The following MYO7B variants were observed in gnomAD, a reference collection of about 807,000 sequenced individuals.
MYO7B encodes unconventional myosin-VIIb.
A neutral mutation model predicts 259.7 loss-of-function variants in MYO7B; 212 were observed. That is an observed-to-expected ratio of 0.82 (90% confidence interval 0.73 to 0.91). The LOEUF (loss-of-function observed/expected upper bound fraction) is 0.91. Among genes scored for constraint, MYO7B ranks in the 40% least tolerant of loss-of-function variants. MYO7B has a pLI of 0.00. For missense variants in MYO7B, 2,732 were observed against 2,813.5 expected (o/e 0.97, Z 0.66); for synonymous variants, 1,197 against 1,166.4 (o/e 1.03, Z -0.54).
chr2:127,542,493 T>C (rs1693043356), intron 1 of MYO7B, among the ~76,000 whole-genome samples: 1 of 152,166 alleles, frequency 6.6e-6, no homozygotes, highest in East Asian at 1.9e-4. Flanking sequence ...CATCACTGTC[T>C]GGGCGGGGAT....
chr2:127,627,730 C>T lies in MYO7B; in HGVS notation c.4460+420C>T, dbSNP rs1405785918. The T allele has an allele frequency of 2.2e-6, 1 of 459,624 alleles. No individual in the cohort carries two copies. Among genetic ancestry groups the T allele is most frequent in the East Asian group, 6.9e-5 (1 of 14,458 alleles). The allele number at this position is 459,624 out of a possible 1,614,324, so 28.5% of individuals were successfully genotyped here. ...GGGGCACAGGGCAGGGCTGGGGGTC[C>T]TCTTAGGCTGGGGCTGACCCCCACT... On this transcript the variant is annotated intron_variant, in intron 33 of 47. Coordinates refer to ENST00000409816, the MANE Select transcript of MYO7B (RefSeq NM_001393586.1). This position sits in a 1 kb window ranked among gnomAD's most constrained non-coding sequence, Gnocchi z 5.6.
intron 7 of MYO7B, among the ~76,000 whole-genome samples, chr2:127,574,306 C>T (rs557339781): frequency 5.3e-5 from 8 of 152,216 alleles, no homozygotes; most frequent in South Asian, 4.1e-4. Flanking sequence ...GAGGCCAAAG[C>T]GGGTGGGTTA....
chr2:127,637,067 C>G (rs1290148079), intron 47 of MYO7B, 154 bp downstream of exon 47: 1 of 1,329,486 alleles, frequency 7.5e-7, no homozygotes, highest in African/African-American at 1.4e-5. Context: ...CTGGGTGCAT[C>G]CCCAGGACCA....
chr2:127,588,378 C>G lies in MYO7B; in HGVS notation c.1691-14C>G, dbSNP rs912853092. 1 of 1,611,612 alleles carries G rather than the reference C, an allele frequency of 6.2e-7. No individual in the cohort carries two copies. On this transcript the variant is annotated splice_polypyrimidine_tract_variant and intron_variant, in intron 14 of 47. Coordinates refer to ENST00000409816, the MANE Select transcript of MYO7B (RefSeq NM_001393586.1). Reference sequence around the variant, plus strand: ...GCTAAGCTGGGATGCTGGGTGGGCCCTGTGTCTCCACAGGCTTCCTGGAGA... The same window carrying G: ...GCTAAGCTGGGATGCTGGGTGGGCCGTGTGTCTCCACAGGCTTCCTGGAGA...
In MYO7B at chr2:127,566,592, C is replaced by A. The variant is rs1353061717; in HGVS notation, c.286-51C>A. ...CCAAGGCCAAGGCCAAGGCCAGGGC[C>A]GAGTACCTCTGCCAGGGGCAGAGGG... On this transcript the variant is annotated intron_variant, in intron 4 of 47. Coordinates refer to ENST00000409816, the MANE Select transcript of MYO7B (RefSeq NM_001393586.1). 7 of 1,486,810 alleles carry A rather than the reference C, an allele frequency of 4.7e-6. No homozygotes were observed. In the Admixed American group the frequency reaches 1.3e-4, roughly 28 times the overall value. The allele number at this position is 1,486,810 out of a possible 1,614,324, so 92.1% of individuals were successfully genotyped here.
intron 37 of MYO7B, 100 bp from the exon 38 acceptor site, chr2:127,631,500 C>T: frequency 3.3e-6 from 5 of 1,524,758 alleles, no homozygotes; most frequent in Non-Finnish European, 4.4e-6. Flanking sequence ...GGACAGAGCC[C>T]ACACATGGCT....
intron 26 of MYO7B, among the ~76,000 whole-genome samples, chr2:127,619,063 G>T (rs1355165050): frequency 1.9e-4 from 26 of 139,344 alleles, no homozygotes; most frequent in South Asian, 4.8e-4. Flanking sequence ...GATTGTGGGG[G>T]CTGGTTGGGT....
chr2:127,565,427 A>G, intron 4 of MYO7B, 42 bp downstream of exon 4: 1 of 1,606,454 alleles, frequency 6.2e-7, no homozygotes, highest in Non-Finnish European at 8.5e-7. Context: ...AGCCCCTCAC[A>G]GGTGCCAACC....
chr2:127,629,282 T>TAAGG (rs747360895), intron 34 of MYO7B, among the ~76,000 whole-genome samples: 16 of 152,040 alleles, frequency 1.1e-4, no homozygotes, highest in Non-Finnish European at 2.4e-4. Flanking sequence ...AAATTCCAGA[T>TAAGG]AAGGAAGGGG....
chr2:127,584,743 G>A lies in MYO7B; in HGVS notation c.1555-35G>A. ...CTCACCTCCCCATGGCTGGACTCTGGGACCTCAGCCCACAGGGTGTCTGGG... is the reference window on the plus strand; with the variant it reads ...CTCACCTCCCCATGGCTGGACTCTGAGACCTCAGCCCACAGGGTGTCTGGG... On this transcript the variant is annotated intron_variant, in intron 13 of 47. Transcript: ENST00000409816. This position sits in a 1 kb window ranked among gnomAD's most constrained non-coding sequence, Gnocchi z 5.8. The A allele has an allele frequency of 1.2e-6, 2 of 1,611,264 alleles. No homozygotes were observed. Among genetic ancestry groups the A allele is most frequent in the Middle Eastern group, 1.7e-4 (1 of 6,040 alleles).
intron 1 of MYO7B, among the ~76,000 whole-genome samples, chr2:127,555,349 A>G: frequency 6.6e-6 from 1 of 151,936 alleles, no homozygotes; most frequent in Middle Eastern, 3.2e-3. Flanking sequence ...TGTTTCATTT[A>G]TCTTTTGTGG....
chr2:127,631,091 C>T lies in MYO7B; in HGVS notation c.4938-115C>T, dbSNP rs542249681. 2.0e-4 allele frequency: 285 copies of T among 1,420,586 alleles called. No individual in the cohort carries two copies. The African/African-American group carries it at 3.0e-3, about 15-fold the overall frequency. The allele number at this position is 1,420,586 out of a possible 1,614,324, so 88.0% of individuals were successfully genotyped here. A position where few individuals can be genotyped will look rare whatever the true frequency, so the allele number is the denominator to read the frequency against. ...GGCCAGGGGAGTCAGGAGGGGCTTG[C>T]GGCAGGGTGGGGTGCTCTGGCCCTC... On this transcript the variant is annotated intron_variant, in intron 36 of 47. Coordinates refer to ENST00000409816, the MANE Select transcript of MYO7B (RefSeq NM_001393586.1).
In MYO7B at chr2:127,636,890, C is replaced by T; in HGVS notation, c.6304C>T (p.Arg2102Cys). ...GCTGGGGAGCCTGGGCCGTGGCAGC[C>T]GCCTGCTGTGCGAGACCTCCCTGGT... ...MALGSLGRGS[R>C]LLCETSLGYK... The change falls in exon 47 of 48, where the codon CGC (arginine) becomes TGC (cysteine). Residue 2102 changes from arginine to cysteine, a missense_variant. Arg to Cys is a radical substitution (Grantham distance 180). Around this residue, in one of 3 missense-constraint regions of MYO7B, gnomAD observed 821 missense variants for 769.3 expected, o/e 1.07. Coordinates refer to ENST00000409816, the MANE Select transcript of MYO7B (RefSeq NM_001393586.1). The surrounding 1 kb of genome is among the most constrained non-coding windows in gnomAD (Gnocchi z 4.5). 1 of 1,613,298 alleles carries T rather than the reference C, an allele frequency of 6.2e-7. No individual in the cohort carries two copies. Among genetic ancestry groups the T allele is most frequent in the Non-Finnish European group, 8.5e-7 (1 of 1,179,870 alleles).
At chr2:127,549,966 T>C (rs1382356708) in intron 1 of MYO7B, among the ~76,000 whole-genome samples, 2 of 152,198 alleles carry the variant, frequency 1.3e-5, no homozygotes, top group Non-Finnish European at 2.9e-5. Flanking sequence ...ATCTGCCAAT[T>C]TTATTCTCTC....
chr2:127,634,575 C>T, intron 41 of MYO7B, 21 bp from the exon 42 acceptor site: 2 of 1,601,706 alleles, frequency 1.2e-6, no homozygotes, highest in Middle Eastern at 1.7e-4. Flanking sequence ...CCCAACTTCC[C>T]TGTACCTTCC....
At chr2:127,549,258 C>A (rs1693359250) in intron 1 of MYO7B, among the ~76,000 whole-genome samples, 1 of 152,036 alleles carries the variant, frequency 6.6e-6, no homozygotes, top group African/African-American at 2.4e-5. Flanking sequence ...TAATACTAAC[C>A]CAACCCTTTC....
chr2:127,633,520 A>G lies in MYO7B; in HGVS notation c.5511+157A>G, dbSNP rs576313529. ...CTCCCGCCCTCTCCCCATGGGATGC[A>G]GGCCCCACCTGCCCTTGGGTGCTTT... On this transcript the variant is annotated intron_variant, in intron 40 of 47. Transcript: ENST00000409816. Among the ~76,000 whole-genome samples, 15 of 152,212 alleles carry G rather than the reference A, an allele frequency of 9.9e-5. No individual in the cohort carries two copies. In the East Asian group the frequency reaches 2.3e-3, roughly 24 times the overall value.
At position 127,630,925 on chromosome 2, in the gene MYO7B, C is replaced by T. The variant is rs113251802; in HGVS notation, c.4937+17C>T. 6.5e-4 allele frequency: 1,006 copies of T among 1,550,792 alleles called. 9 individuals carry two copies. In the African/African-American group the frequency reaches 0.011, roughly 18 times the overall value. The stretch of plus-strand genomic sequence containing the variant: ...GTTCTTCAGGTGCCCCCCAGCCCCG[C>T]TCCGCCTCATTGCACCCCCACCTCC... On this transcript the variant is annotated intron_variant, in intron 36 of 47. Transcript: ENST00000409816.
chr2:127,608,798 A>G lies in MYO7B; in HGVS notation c.2734A>G (p.Thr912Ala). The change falls in exon 22 of 48, where the codon ACG becomes GCG. Residue 912 changes from threonine (T) to alanine (A), a missense_variant. Transcript: ENST00000409816. ...RRSIYDTVTD[T>A]EMVEKVFGFL... Reference sequence around the variant, plus strand: ...ATCCATCTACGACACCGTCACTGACACGGAGATGGTGGAGAAGGTGTTCGG... The same window carrying G: ...ATCCATCTACGACACCGTCACTGACGCGGAGATGGTGGAGAAGGTGTTCGG... The G allele has an allele frequency of 6.2e-7, 1 of 1,613,582 alleles. No homozygotes were observed.
Sources: gnomAD v4.1 joint callset for allele counts (sites outside exome capture counted in the v4.1 genomes callset) on GRCh38, gnomAD v4.1.1 for gene constraint, gnomAD v4.1.1 regional missense constraint, Gnocchi (gnomAD v3.1) non-coding constraint, MANE v1.5 for transcripts, NCBI Gene and HGNC (gene_info 2026-07-23, HGNC 2026-07-21) for gene names.